The following NEGR1 variants were observed in gnomAD, a reference collection of about 807,000 sequenced individuals.
The protein encoded by NEGR1 is neuronal growth regulator 1.
A neutral mutation model predicts 40.9 loss-of-function variants in NEGR1; 10 were observed. That is an observed-to-expected ratio of 0.24 (90% CI 0.15 to 0.42). NEGR1 has a LOEUF of 0.42. Ranked by LOEUF, NEGR1 falls within the 10% of genes least tolerant of loss-of-function variation. The pLI, the probability that NEGR1 is intolerant of heterozygous loss-of-function variation, is 1.00. For missense variants in NEGR1, 352 were observed against 438.9 expected, an observed-to-expected ratio of 0.80 and a Z score of 1.77; for synonymous variants, 185 against 166.8, an observed-to-expected ratio of 1.11 and a Z score of -0.84.
At chr1:71,951,509 C>T (rs146773866) in intron 1 of NEGR1, among the ~76,000 whole-genome samples, 52 of 152,030 alleles carry the variant, frequency 3.4e-4, no homozygotes, top group Admixed American at 8.5e-4. Context: ...TCTGAGATAG[C>T]GTCTGAGTCA....
At chr1:71,432,334 T>C (rs946175065) in intron 6 of NEGR1, among the ~76,000 whole-genome samples, 1 of 152,192 alleles carries the variant, frequency 6.6e-6, no homozygotes, top group Admixed American at 6.5e-5. Flanking sequence ...ATTTAAGGCA[T>C]AAAATGTAAT....
intron 1 of NEGR1, among the ~76,000 whole-genome samples, chr1:72,170,096 T>C (rs539454595): frequency 6.6e-6 from 1 of 152,312 alleles, no homozygotes; most frequent in African/African-American, 2.4e-5. Context: ...ATTCTAAGTA[T>C]ATTTCCTAAG....
chr1:71,987,695 C>T (rs1395194102), intron 1 of NEGR1, among the ~76,000 whole-genome samples: 1 of 152,174 alleles, frequency 6.6e-6, no homozygotes, highest in Non-Finnish European at 1.5e-5. Context: ...TAAACACCCC[C>T]ATTTGTGCCA....
intron 3 of NEGR1, among the ~76,000 whole-genome samples, chr1:71,751,000 G>C (rs905428684): frequency 1.9e-4 from 29 of 151,968 alleles, no homozygotes; most frequent in Admixed American, 1.9e-3. Flanking sequence ...AAATACCTTA[G>C]TGATGATCTT....
At chr1:71,965,831 T>C (rs1446292411) in intron 1 of NEGR1, among the ~76,000 whole-genome samples, 45 of 152,280 alleles carry the variant, frequency 3.0e-4, no homozygotes, top group Non-Finnish European at 1.0e-4. Context: ...CCTCCTTAGA[T>C]AACAGCTTTA....
intron 2 of NEGR1, among the ~76,000 whole-genome samples, chr1:71,924,626 A>C (rs1197331240): frequency 2.0e-5 from 3 of 152,180 alleles, no homozygotes; most frequent in Non-Finnish European, 2.9e-5. Flanking sequence ...TTAAATGTTA[A>C]ACTCTTGTTT....
intron 6 of NEGR1, among the ~76,000 whole-genome samples, chr1:71,454,964 C>G (rs964084334): frequency 1.3e-5 from 2 of 152,200 alleles, no homozygotes; most frequent in African/African-American, 4.8e-5. Flanking sequence ...GCATACTCCA[C>G]AGGCTTGGCC....
chr1:71,912,805 CATGT>C (rs1172898367), intron 2 of NEGR1, among the ~76,000 whole-genome samples: 4 of 151,728 alleles, frequency 2.6e-5, no homozygotes, highest in African/African-American at 9.7e-5. Flanking sequence ...GATGTATGTA[CATGT>C]GTGTGTATAT....
chr1:72,209,001 T>C (rs1653505015), intron 1 of NEGR1, among the ~76,000 whole-genome samples: 1 of 151,690 alleles, frequency 6.6e-6, no homozygotes, highest in Non-Finnish European at 1.5e-5. Context: ...TTTGCAAATT[T>C]TACCTTTGCA....
At chr1:71,757,245 C>T (rs1186831291) in intron 3 of NEGR1, among the ~76,000 whole-genome samples, 1 of 152,038 alleles carries the variant, frequency 6.6e-6, no homozygotes, top group African/African-American at 2.4e-5. Context: ...CCCTTTGAGA[C>T]ATTTTATAGG....
Position 71,952,679 on chromosome 1 carries a change from C to T in NEGR1, c.177-17368G>A, listed in dbSNP as rs534331065. Among the ~76,000 whole-genome samples the T allele has an allele frequency of 4.6e-5, 7 of 151,692 alleles. 1 individual carries two copies. In the South Asian group the frequency reaches 1.2e-3, roughly 27 times the overall value. On this transcript the variant is annotated intron_variant, in intron 1 of 6. Coordinates refer to ENST00000357731, the MANE Select transcript of NEGR1 (RefSeq NM_173808.3). ...AACTGCCTTTTATTGGAAGAAGGTG[C>T]CACCTAGGACTTTCACGGCTAGAGA...
Position 71,611,270 on chromosome 1 carries a change from G to A in NEGR1, c.668-124C>T, listed in dbSNP as rs117315763. On this transcript the variant is annotated intron_variant, in intron 4 of 6. Transcript: ENST00000357731. Reference sequence around the variant, plus strand: ...GCAATCTTATGCCTGATAGACCAACGCATCACATTTTCAGTGTTTTATGCT... The same window carrying A: ...GCAATCTTATGCCTGATAGACCAACACATCACATTTTCAGTGTTTTATGCT... 7,633 of 800,200 alleles carry A rather than the reference G, an allele frequency of 9.5e-3. 377 individuals are homozygous for A. In the Admixed American group the frequency reaches 0.1, roughly 11 times the overall value. The allele number at this position is 800,200 out of a possible 1,614,324, so 49.6% of individuals were successfully genotyped here.
chr1:72,099,066 C>A lies in NEGR1; in HGVS notation c.177-163755G>T, dbSNP rs1044347427. The stretch of plus-strand genomic sequence containing the variant: ...TTTAAATTGTTATTAATTATATAAT[C>A]AAATTTTATTAACATTTATTCTGAA... On this transcript the variant is annotated intron_variant, in intron 1 of 6. Transcript: ENST00000357731. Among the ~76,000 whole-genome samples the A allele has an allele frequency of 1.4e-4, 22 of 151,804 alleles. No homozygotes were observed. The South Asian group carries it at 4.6e-3, about 32-fold the overall frequency.
intron 6 of NEGR1, among the ~76,000 whole-genome samples, chr1:71,557,026 G>A (rs1057170335): frequency 2.5e-4 from 38 of 151,598 alleles, no homozygotes; most frequent in African/African-American, 9.0e-4. Flanking sequence ...CTATGAGTTG[G>A]AATGGTTTTA....
chr1:71,630,500 C>G (rs1349165835), intron 4 of NEGR1, among the ~76,000 whole-genome samples: 3 of 151,916 alleles, frequency 2.0e-5, no homozygotes, highest in Admixed American at 1.3e-4. Context: ...CCCATTGGTT[C>G]TATCATCTGA....
rs554332035 is a variant in NEGR1 at position 72,144,004 on chromosome 1, C to T, written c.176+138315G>A. 1.7e-4 allele frequency among the ~76,000 whole-genome samples: 25 copies of T among 146,750 alleles called. No individual in the cohort carries two copies. The South Asian group carries it at 4.7e-3, about 27-fold the overall frequency. Reference sequence around the variant, plus strand: ...AGAAAGACCTGAGATGGTCTCAATGCCTTTTCCTCTTTTGCATCAATTATA... The same window carrying T: ...AGAAAGACCTGAGATGGTCTCAATGTCTTTTCCTCTTTTGCATCAATTATA... On this transcript the variant is annotated intron_variant, in intron 1 of 6. Transcript: ENST00000357731.
At chr1:72,115,772 G>A (rs1352267450) in intron 1 of NEGR1, among the ~76,000 whole-genome samples, 1 of 151,600 alleles carries the variant, frequency 6.6e-6, no homozygotes, top group Non-Finnish European at 1.5e-5. Context: ...TAAAGGGAAG[G>A]GAATTTCAAA....
chr1:71,481,445 G>T (rs1188148708), intron 6 of NEGR1, among the ~76,000 whole-genome samples: 1 of 151,834 alleles, frequency 6.6e-6, no homozygotes, highest in South Asian at 2.1e-4. Flanking sequence ...CATATATTGA[G>T]TATATATACG....
chr1:72,232,925 G>A (rs1177448605), intron 1 of NEGR1, among the ~76,000 whole-genome samples: 1 of 152,112 alleles, frequency 6.6e-6, no homozygotes, highest in East Asian at 1.9e-4. Flanking sequence ...GAAAGTAAAC[G>A]GAAAGATGTA....
Sources: gnomAD v4.1 joint callset for allele counts (sites outside exome capture counted in the v4.1 genomes callset) on GRCh38, gnomAD v4.1.1 for gene constraint, MANE v1.5 for transcripts, NCBI Gene and HGNC (gene_info 2026-07-23, HGNC 2026-07-21) for gene names.